Variants in ASCC3 observed in about 807,000 individuals in gnomAD.
The protein encoded by ASCC3 is activating signal cointegrator 1 complex subunit 3.
A neutral mutation model predicts 256.3 loss-of-function variants in ASCC3; 158 were observed. The ratio of observed to expected loss-of-function variants is 0.62; its 90% CI spans 0.54 to 0.70. The LOEUF (loss-of-function observed/expected upper bound fraction) is 0.70, where lower values mean the gene tolerates loss of function less well. ASCC3 is among the 30% of genes least tolerant of loss of function. The pLI, the probability that ASCC3 is intolerant of heterozygous loss-of-function variation, is 0.00. For missense variants in ASCC3, 2,259 were observed against 2,626.0 expected (o/e 0.86, Z 3.05); for synonymous variants, 948 against 883.4 (o/e 1.07, Z -1.30).
At chr6:100,757,876 C>A (rs1336788021) in intron 10 of ASCC3, among the ~76,000 whole-genome samples, 1 of 152,094 alleles carries the variant, frequency 6.6e-6, no homozygotes, top group Non-Finnish European at 1.5e-5. Flanking sequence ...CCCAAACAAA[C>A]AAAATAAGAC....
chr6:100,816,103 T>G (rs1040154052), intron 4 of ASCC3, among the ~76,000 whole-genome samples: 3 of 151,948 alleles, frequency 2.0e-5, no homozygotes, highest in African/African-American at 7.3e-5. Context: ...GCAAAGGACA[T>G]GAACAGACAC....
At chr6:100,554,244 G>GT (rs2114690595) in intron 36 of ASCC3, among the ~76,000 whole-genome samples, 1 of 152,228 alleles carries the variant, frequency 6.6e-6, no homozygotes, top group Non-Finnish European at 1.5e-5. Flanking sequence ...GAGTGTGTGT[G>GT]TATTTTTAAA....
rs183363506 is a variant in ASCC3, at chr6:100,545,412, G to A, written c.5551-5025C>T. Among the ~76,000 whole-genome samples, 284 of 152,328 alleles carry A rather than the reference G, an allele frequency of 1.9e-3. 2 individuals are homozygous for A. Among genetic ancestry groups the A allele is most frequent in the Non-Finnish European group, 2.9e-3 (199 of 68,028 alleles). ...AGGATGGTCTCGATCTCTTGACCTT[G>A]TGATCTGCATGCCTCGGCCTCCCAA... On this transcript the variant is annotated intron_variant, in intron 36 of 41. Coordinates refer to ENST00000369162, the MANE Select transcript of ASCC3 (RefSeq NM_006828.4).
intron 37 of ASCC3, among the ~76,000 whole-genome samples, chr6:100,527,744 C>T (rs240786): frequency 6.6e-4 from 100 of 152,216 alleles, no homozygotes; most frequent in African/African-American, 2.2e-3. Flanking sequence ...AAAATACCCA[C>T]ATCGTTATAT....
At chr6:100,879,188 T>C (rs1191523928) in intron 1 of ASCC3, among the ~76,000 whole-genome samples, 2 of 152,230 alleles carry the variant, frequency 1.3e-5, no homozygotes, top group African/African-American at 2.4e-5. Context: ...GGAATTTCCA[T>C]GCAGAACTTC....
chr6:100,545,249 T>C (rs10782302), intron 36 of ASCC3, among the ~76,000 whole-genome samples: 74,398 of 151,736 alleles, frequency 0.49, 18,419 homozygotes, highest in South Asian at 0.63. Flanking sequence ...ACCATCTCGG[T>C]TCACCGCAAC....
intron 37 of ASCC3, chr6:100,531,128 G>A (rs1774851376): frequency 1.1e-6 from 1 of 905,172 alleles, no homozygotes; most frequent in Admixed American, 1.9e-5. Context: ...TCTGCTGGCT[G>A]GACTGAACTA....
At chr6:100,761,572 G>A (rs1413698778) in intron 10 of ASCC3, among the ~76,000 whole-genome samples, 1 of 152,206 alleles carries the variant, frequency 6.6e-6, no homozygotes, top group Non-Finnish European at 1.5e-5. Flanking sequence ...AGGAATGGAA[G>A]TGAAATAAAG....
intron 37 of ASCC3, among the ~76,000 whole-genome samples, chr6:100,521,911 T>G (rs1362137516): frequency 6.6e-6 from 1 of 152,194 alleles, no homozygotes; most frequent in Non-Finnish European, 1.5e-5. Context: ...AGATAAGGAC[T>G]AATAGGTATA....
At chr6:100,532,272 A>G (rs1774913984) in intron 37 of ASCC3, among the ~76,000 whole-genome samples, 1 of 146,876 alleles carries the variant, frequency 6.8e-6, no homozygotes. Flanking sequence ...CTTCTAGTCT[A>G]TTTACTGTTT....
At chr6:100,870,826 G>A (rs998630980) in intron 1 of ASCC3, among the ~76,000 whole-genome samples, 1 of 152,010 alleles carries the variant, frequency 6.6e-6, no homozygotes, top group South Asian at 2.1e-4. Flanking sequence ...GGAGCATTTG[G>A]AAGAAAAAAA....
At position 100,848,619 on chromosome 6, in the gene ASCC3, C is replaced by A. The variant is rs1772506116; in HGVS notation, c.330G>T (p.Lys110Asn). Residue 110 changes from lysine to asparagine, a missense_variant, in exon 4 of 42, where the codon AAG becomes AAT. This residue lies in a region of ASCC3 where 420 missense variants were observed against 419.3 expected (regional missense o/e 1.00). Transcript: ENST00000369162. ...TFHLKDSVGH[K>N]ETKAIKQMFG... ...ACATCTGTTTGATAGCCTTTGTTTCCTTGTGACCAACAGAGTCCTTCAAGT... is the reference window on the plus strand; with the variant it reads ...ACATCTGTTTGATAGCCTTTGTTTCATTGTGACCAACAGAGTCCTTCAAGT... 6.2e-7 allele frequency: 1 copy of A among 1,614,068 alleles called. No homozygotes were observed.
chr6:100,768,316 C>T (rs997582475), intron 8 of ASCC3, among the ~76,000 whole-genome samples: 3 of 151,966 alleles, frequency 2.0e-5, no homozygotes, highest in Admixed American at 1.3e-4. Flanking sequence ...AGACACAGAG[C>T]GGTTAAATAA....
chr6:100,811,585 T>C (rs1459887123), intron 4 of ASCC3, among the ~76,000 whole-genome samples: 1 of 152,046 alleles, frequency 6.6e-6, no homozygotes, highest in African/African-American at 2.4e-5. Flanking sequence ...TAAAAAACAC[T>C]CTTTTGTCTT....
At chr6:100,689,871 C>A (rs78634839) in intron 13 of ASCC3, among the ~76,000 whole-genome samples, 1 of 151,680 alleles carries the variant, frequency 6.6e-6, no homozygotes, top group Admixed American at 6.6e-5. Context: ...TACATGTATG[C>A]GTATTTTAGT....
intron 10 of ASCC3, among the ~76,000 whole-genome samples, chr6:100,741,159 G>C (rs1582791919): frequency 6.6e-6 from 1 of 152,172 alleles, no homozygotes; most frequent in African/African-American, 2.4e-5. Context: ...TGGCCAGATA[G>C]GAAATTATGG....
intron 8 of ASCC3, among the ~76,000 whole-genome samples, chr6:100,785,873 A>G (rs1027016115): frequency 5.3e-5 from 8 of 152,184 alleles, no homozygotes; most frequent in Non-Finnish European, 1.0e-4. Flanking sequence ...GTAAAATGAT[A>G]AATAAGATGT....
intron 32 of ASCC3, among the ~76,000 whole-genome samples, chr6:100,605,984 T>C (rs1471805229): frequency 6.6e-6 from 1 of 151,958 alleles, no homozygotes; most frequent in African/African-American, 2.4e-5. Flanking sequence ...TTCCCTTTAG[T>C]GGAATGCTTT....
At chr6:100,752,533 C>A (rs10485293) in intron 10 of ASCC3, among the ~76,000 whole-genome samples, 7,541 of 152,154 alleles carry the variant, frequency 0.05, 618 homozygotes, top group African/African-American at 0.17. Context: ...ATGTTTAAAA[C>A]CAAACTCACT....
Sources: gnomAD v4.1 joint callset for allele counts (sites outside exome capture counted in the v4.1 genomes callset) on GRCh38, gnomAD v4.1.1 for gene constraint, gnomAD v4.1.1 regional missense constraint, MANE v1.5 for transcripts, NCBI Gene and HGNC (gene_info 2026-07-23, HGNC 2026-07-21) for gene names.